PIP4K2B: variants seen among roughly 807,000 people sequenced by gnomAD.
PIP4K2B encodes phosphatidylinositol-5-phosphate 4-kinase type 2 beta.
PIP4K2B carries 3 observed loss-of-function variants against 42.0 expected under a neutral mutation model. That is an observed-to-expected ratio of 0.07 (90% CI 0.03 to 0.18). PIP4K2B has a LOEUF of 0.18. PIP4K2B is among the 10% of genes least tolerant of loss of function. The pLI is 1.00. For synonymous variants in PIP4K2B, 204 were observed against 210.1 expected, an observed-to-expected ratio of 0.97 and a Z score of 0.25; for missense variants, 332 against 562.3, an observed-to-expected ratio of 0.59 and a Z score of 4.14.
intron 6 of PIP4K2B, 56 bp from the exon 7 acceptor site, chr17:38,777,856 A>AC: frequency 7.9e-7 from 1 of 1,259,434 alleles, no homozygotes; most frequent in Non-Finnish European, 1.2e-6. Flanking sequence ...CCCCAGGGAC[A>AC]CCCAACTGTT....
chr17:38,772,566 T>G (rs1289747463), intron 7 of PIP4K2B, among the ~76,000 whole-genome samples: 3 of 151,886 alleles, frequency 2.0e-5, no homozygotes, highest in Non-Finnish European at 4.4e-5. Flanking sequence ...AATTCAGATA[T>G]GCCAAAGAGA....
At chr17:38,776,710 C>T (rs1236277299) in intron 7 of PIP4K2B, 1 of 382,170 alleles carries the variant, frequency 2.6e-6, no homozygotes, top group Non-Finnish European at 5.1e-6. Context: ...AATTTTTTTT[C>T]CCAAGTTTGT....
At chr17:38,790,711 C>T (rs1054899364) in intron 1 of PIP4K2B, among the ~76,000 whole-genome samples, 1 of 152,148 alleles carries the variant, frequency 6.6e-6, no homozygotes, top group East Asian at 1.9e-4. Flanking sequence ...CCTGCCTCAG[C>T]CTCCCAAAAT....
At chr17:38,784,393 CTAT>C (rs1174507164) in intron 2 of PIP4K2B, 54 bp from the exon 3 acceptor site, 122 of 926,896 alleles carry the variant, frequency 1.3e-4, no homozygotes, top group South Asian at 2.8e-4. Context: ...CATCTTAATT[CTAT>C]TATTATTATT....
chr17:38,777,472 A>G (rs1234380961), intron 7 of PIP4K2B, among the ~76,000 whole-genome samples: 1 of 152,210 alleles, frequency 6.6e-6, no homozygotes, highest in African/African-American at 2.4e-5. Context: ...TCTAAACTAA[A>G]TTACAAAGGT....
chr17:38,788,470 GAT>G (rs1371125662), intron 1 of PIP4K2B, among the ~76,000 whole-genome samples: 1 of 152,002 alleles, frequency 6.6e-6, no homozygotes, highest in Non-Finnish European at 1.5e-5. Flanking sequence ...AAAGTGCTGG[GAT>G]TACAGGCATG....
chr17:38,791,937 C>G (rs976586864), intron 1 of PIP4K2B, among the ~76,000 whole-genome samples: 8 of 149,738 alleles, frequency 5.3e-5, no homozygotes, highest in African/African-American at 2.0e-4. Context: ...AAAAAAAATA[C>G]AAAAAAAAAT....
rs116981186 is a variant in PIP4K2B, at chr17:38,782,212, G to C, written c.355-1608C>G. On this transcript the variant is annotated intron_variant, in intron 3 of 9. Transcript: ENST00000619039. Reference sequence around the variant, plus strand: ...TCCCAGCCTGGCCTCTCTACCATAAGACTTACAGGCTGCAAGCCTAGTTGG... The same window carrying C: ...TCCCAGCCTGGCCTCTCTACCATAACACTTACAGGCTGCAAGCCTAGTTGG... Among the ~76,000 whole-genome samples, 13 of 152,312 alleles carry C rather than the reference G, an allele frequency of 8.5e-5. No homozygotes were observed. The East Asian group carries it at 2.3e-3, about 27-fold the overall frequency.
intron 1 of PIP4K2B, among the ~76,000 whole-genome samples, chr17:38,787,143 T>A (rs1279750184): frequency 1.3e-5 from 2 of 152,018 alleles, no homozygotes; most frequent in African/African-American, 4.8e-5. Flanking sequence ...TCAAGCAATC[T>A]GCCCACACCA....
chr17:38,798,844 G>A (rs558273367), intron 1 of PIP4K2B, among the ~76,000 whole-genome samples: 1 of 152,314 alleles, frequency 6.6e-6, no homozygotes, highest in East Asian at 1.9e-4. Flanking sequence ...GGACTATTTG[G>A]GCAGACCACT....
chr17:38,792,156 T>C (rs975449263), intron 1 of PIP4K2B, among the ~76,000 whole-genome samples: 2 of 151,716 alleles, frequency 1.3e-5, no homozygotes, highest in African/African-American at 2.4e-5. Flanking sequence ...AATTCCTTGA[T>C]TGATTGATTG....
intron 7 of PIP4K2B, among the ~76,000 whole-genome samples, chr17:38,776,809 A>G (rs1001403854): frequency 2.6e-5 from 4 of 152,216 alleles, no homozygotes; most frequent in African/African-American, 7.2e-5. Context: ...TAACATTTTC[A>G]CTATTTAGCA....
chr17:38,781,113 A>G (rs757140514), intron 3 of PIP4K2B, among the ~76,000 whole-genome samples: 7 of 152,064 alleles, frequency 4.6e-5, no homozygotes, highest in African/African-American at 7.2e-5. Context: ...AGCAATGCCC[A>G]TTCGTCTCTT....
At chr17:38,782,214 C>T (rs1216687542) in intron 3 of PIP4K2B, among the ~76,000 whole-genome samples, 1 of 152,244 alleles carries the variant, frequency 6.6e-6, no homozygotes, top group Non-Finnish European at 1.5e-5. Context: ...TACCATAAGA[C>T]TTACAGGCTG....
At chr17:38,780,374 C>T in intron 4 of PIP4K2B, 78 bp downstream of exon 4, 1 of 1,352,984 alleles carries the variant, frequency 7.4e-7, no homozygotes, top group South Asian at 1.4e-5. Context: ...ACCAACCCCT[C>T]CCTAAGAAGC....
chr17:38,775,397 A>G (rs1482685101), intron 7 of PIP4K2B, among the ~76,000 whole-genome samples: 1 of 152,168 alleles, frequency 6.6e-6, no homozygotes, highest in Non-Finnish European at 1.5e-5. Context: ...GACTACAGGC[A>G]CATGTCACCA....
rs894231899 is a variant in PIP4K2B, at chr17:38,786,088, G to A, written c.257+735C>T. Among the ~76,000 whole-genome samples, 10 of 152,230 alleles carry A rather than the reference G, an allele frequency of 6.6e-5. 1 individual carries two copies. The highest frequency in any genetic ancestry group is 2.4e-4 in the African/African-American group (10 of 41,456). On this transcript the variant is annotated intron_variant, in intron 2 of 9. Transcript: ENST00000619039. The stretch of plus-strand genomic sequence containing the variant: ...CCTCTGGACTAACAGTCTGGGAATG[G>A]TGGGGTGACAGAACCCAGCTAGTGA...
At chr17:38,794,856 T>C (rs1266066292) in intron 1 of PIP4K2B, among the ~76,000 whole-genome samples, 1 of 151,254 alleles carries the variant, frequency 6.6e-6, no homozygotes, top group Non-Finnish European at 1.5e-5. Context: ...TCCCACCACT[T>C]TGGGAGGCCG....
intron 1 of PIP4K2B, among the ~76,000 whole-genome samples, chr17:38,790,436 C>T (rs886525398): frequency 3.3e-5 from 5 of 152,170 alleles, no homozygotes; most frequent in Non-Finnish European, 5.9e-5. Flanking sequence ...CCTATAATCC[C>T]AACACTTTGG....
Sources: gnomAD v4.1 joint callset for allele counts (sites outside exome capture counted in the v4.1 genomes callset) on GRCh38, gnomAD v4.1.1 for gene constraint, MANE v1.5 for transcripts, NCBI Gene and HGNC (gene_info 2026-07-23, HGNC 2026-07-21) for gene names.